The following SHC4 variants were observed in gnomAD, a reference collection of about 807,000 sequenced individuals.
SHC4 encodes the protein SHC-transforming protein 4.
SHC4 carries 41 observed loss-of-function variants against 69.4 expected under a neutral mutation model. That is an observed-to-expected ratio of 0.59 (90% CI 0.46 to 0.77). SHC4 has a LOEUF of 0.77. Ranked by LOEUF, SHC4 falls within the 30% of genes least tolerant of loss-of-function variation. The pLI is 0.00. For missense variants in SHC4, 777 were observed against 783.8 expected, an observed-to-expected ratio of 0.99 and a Z score of 0.10; for synonymous variants, 318 against 299.3, an observed-to-expected ratio of 1.06 and a Z score of -0.64.
At chr15:48,865,286 G>C (rs1178079966) in intron 6 of SHC4, among the ~76,000 whole-genome samples, 1 of 152,214 alleles carries the variant, frequency 6.6e-6, no homozygotes, top group African/African-American at 2.4e-5. Context: ...CTAGAGGACT[G>C]TGTGCAAGGA....
chr15:48,847,452 T>C lies in SHC4; in HGVS notation c.1303+3736A>G, dbSNP rs183417730. Among the ~76,000 whole-genome samples the C allele has an allele frequency of 1.2e-3, 184 of 152,338 alleles. 2 individuals are homozygous for C. Among genetic ancestry groups the C allele is most frequent in the African/African-American group, 4.2e-3 (176 of 41,568 alleles). ...GTATGAAGGATAAGGATCTTTTCTA[T>C]GTCTAGTGATAAATACAATTAACTC... On this transcript the variant is annotated intron_variant, in intron 9 of 11. Transcript: ENST00000332408.
At chr15:48,949,958 T>G (rs909460981) in intron 1 of SHC4, among the ~76,000 whole-genome samples, 3 of 142,746 alleles carry the variant, frequency 2.1e-5, no homozygotes, top group African/African-American at 7.6e-5. Context: ...ATATATAATT[T>G]TAACATATGA....
intron 7 of SHC4, 120 bp downstream of exon 7, chr15:48,857,572 T>C: frequency 5.4e-6 from 5 of 927,510 alleles, no homozygotes; most frequent in Non-Finnish European, 7.2e-6. Context: ...AAATTACTAA[T>C]TTTATTAGTT....
chr15:48,953,991 A>G (rs2141040924), intron 1 of SHC4, among the ~76,000 whole-genome samples: 1 of 152,372 alleles, frequency 6.6e-6, no homozygotes, highest in South Asian at 2.1e-4. Flanking sequence ...GAAGTGGCTT[A>G]GATTCGATTT....
At chr15:48,924,127 C>T (rs1026284029) in intron 2 of SHC4, among the ~76,000 whole-genome samples, 31 of 152,106 alleles carry the variant, frequency 2.0e-4, no homozygotes, top group African/African-American at 7.0e-4. Context: ...AAGCACAGAT[C>T]TACTGTGGCA....
intron 8 of SHC4, among the ~76,000 whole-genome samples, chr15:48,854,981 G>A (rs1474707988): frequency 6.6e-6 from 1 of 152,014 alleles, no homozygotes; most frequent in Non-Finnish European, 1.5e-5. Context: ...ATTGAATTTA[G>A]TACACATGTA....
chr15:48,921,612 C>T (rs1037835749), intron 2 of SHC4, among the ~76,000 whole-genome samples: 1 of 152,142 alleles, frequency 6.6e-6, no homozygotes, highest in Non-Finnish European at 1.5e-5. Flanking sequence ...GGATTACAGG[C>T]GTGAGCCACC....
chr15:48,946,192 A>G (rs898714511), intron 1 of SHC4: 9 of 152,212 alleles, frequency 5.9e-5, no homozygotes, highest in Admixed American at 5.2e-4. Context: ...TCTCCCTCTT[A>G]TCACTTAAAC....
At chr15:48,932,519 A>G (rs576988425) in intron 1 of SHC4, among the ~76,000 whole-genome samples, 1 of 152,070 alleles carries the variant, frequency 6.6e-6, no homozygotes, top group African/African-American at 2.4e-5. Flanking sequence ...TTGCCCTCTC[A>G]TTTTGCACTC....
intron 5 of SHC4, among the ~76,000 whole-genome samples, chr15:48,870,300 G>C (rs1392530681): frequency 6.6e-6 from 1 of 152,188 alleles, no homozygotes; most frequent in African/African-American, 2.4e-5. Flanking sequence ...AGGCTGGATG[G>C]AAAAGAGTCC....
At chr15:48,845,428 G>A (rs1319124805) in intron 9 of SHC4, among the ~76,000 whole-genome samples, 1 of 152,078 alleles carries the variant, frequency 6.6e-6, no homozygotes, top group East Asian at 1.9e-4. Context: ...GAGTTGACAG[G>A]GTGCCTCATC....
intron 2 of SHC4, among the ~76,000 whole-genome samples, chr15:48,902,293 A>G (rs1013675774): frequency 7.9e-5 from 12 of 152,074 alleles, no homozygotes; most frequent in African/African-American, 2.2e-4. Context: ...CTGGAATGCT[A>G]TAGTTAATAT....
chr15:48,845,036 T>C (rs1272370208), intron 9 of SHC4, among the ~76,000 whole-genome samples: 2 of 152,214 alleles, frequency 1.3e-5, no homozygotes, highest in South Asian at 4.1e-4. Context: ...ATTCTATTAT[T>C]TAGTTAAACA....
At position 48,878,078 on chromosome 15, in the gene SHC4, T is replaced by C. The variant is rs1009698731; in HGVS notation, c.841-5936A>G. ...CTGAGGACCACGCCTGCGCGCGGGGTTACGCAAGCGCGCAGCCTTTGCGCA... is the reference window on the plus strand; with the variant it reads ...CTGAGGACCACGCCTGCGCGCGGGGCTACGCAAGCGCGCAGCCTTTGCGCA... On this transcript the variant is annotated intron_variant, in intron 4 of 11. Transcript: ENST00000332408. 5.5e-6 allele frequency: 8 copies of C among 1,460,388 alleles called. 1 individual carries two copies. Among genetic ancestry groups the C allele is most frequent in the South Asian group, 4.3e-5 (3 of 70,118 alleles). The allele number at this position is 1,460,388 out of a possible 1,614,324, so 90.5% of individuals were successfully genotyped here.
At chr15:48,881,226 T>G (rs1468946176) in intron 4 of SHC4, among the ~76,000 whole-genome samples, 2 of 152,152 alleles carry the variant, frequency 1.3e-5, no homozygotes, top group African/African-American at 2.4e-5. Flanking sequence ...GGTTCATGCT[T>G]ATAATTTTAA....
intron 9 of SHC4, among the ~76,000 whole-genome samples, chr15:48,848,681 T>G (rs1007713539): frequency 6.6e-6 from 1 of 152,234 alleles, no homozygotes; most frequent in African/African-American, 2.4e-5. Context: ...TAAGGGATTA[T>G]GTTGTTTGTT....
chr15:48,915,302 G>C (rs923067609), intron 2 of SHC4, among the ~76,000 whole-genome samples: 1 of 152,136 alleles, frequency 6.6e-6, no homozygotes, highest in African/African-American at 2.4e-5. Context: ...GTCTGCATTT[G>C]ACTTTGTCAT....
At chr15:48,861,252 A>G (rs1458353450) in intron 6 of SHC4, among the ~76,000 whole-genome samples, 1 of 152,162 alleles carries the variant, frequency 6.6e-6, no homozygotes, top group Non-Finnish European at 1.5e-5. Flanking sequence ...GCATGCCCCA[A>G]CACACCCAGC....
intron 6 of SHC4, among the ~76,000 whole-genome samples, chr15:48,865,404 A>G (rs1377482491): frequency 6.6e-6 from 1 of 152,186 alleles, no homozygotes; most frequent in Non-Finnish European, 1.5e-5. Flanking sequence ...GAGACATATT[A>G]ACTTTTAAAG....
Sources: allele counts gnomAD v4.1 joint callset (sites outside exome capture counted in the v4.1 genomes callset), GRCh38; gene constraint gnomAD v4.1.1; transcripts MANE v1.5; gene names NCBI Gene and HGNC (gene_info 2026-07-23, HGNC 2026-07-21).